The following NEGR1 variants were observed in gnomAD, a reference collection of about 807,000 sequenced individuals.
NEGR1 encodes IgLON family member 4.
In NEGR1, 10 loss-of-function variants were observed where a neutral mutation model predicts 40.9. The ratio of observed to expected loss-of-function variants is 0.24; its 90% confidence interval spans 0.15 to 0.42. The LOEUF (loss-of-function observed/expected upper bound fraction) is 0.42, where lower values mean the gene tolerates loss of function less well. Ranked by LOEUF, NEGR1 falls within the 10% of genes least tolerant of loss-of-function variation. NEGR1 has a pLI of 1.00. For synonymous variants in NEGR1, 185 were observed against 166.8 expected, an observed-to-expected ratio of 1.11 and a Z score of -0.84; for missense variants, 352 against 438.9, an observed-to-expected ratio of 0.80 and a Z score of 1.77.
At chr1:71,614,909 C>T (rs140283107) in intron 4 of NEGR1, among the ~76,000 whole-genome samples, 175 of 152,082 alleles carry the variant, frequency 1.2e-3, no homozygotes, top group Non-Finnish European at 2.0e-3. Flanking sequence ...TCTAGGGCTT[C>T]GTGGGCTGCT....
chr1:71,643,481 A>G (rs188255136), intron 4 of NEGR1, among the ~76,000 whole-genome samples: 1 of 152,166 alleles, frequency 6.6e-6, no homozygotes, highest in East Asian at 1.9e-4. Context: ...CTTTTCAGTT[A>G]TACTAGGTTA....
At chr1:71,999,234 G>A (rs1646533165) in intron 1 of NEGR1, among the ~76,000 whole-genome samples, 1 of 151,752 alleles carries the variant, frequency 6.6e-6, no homozygotes, top group African/African-American at 2.4e-5. Flanking sequence ...ATCATTACTT[G>A]GAAAAATATC....
Position 71,955,932 on chromosome 1 carries a change from G to A in NEGR1, c.177-20621C>T, listed in dbSNP as rs1228928858. Among the ~76,000 whole-genome samples, 3 of 152,062 alleles carry A rather than the reference G, an allele frequency of 2.0e-5. No individual in the cohort carries two copies. In the East Asian group the frequency reaches 5.8e-4, roughly 29 times the overall value. On this transcript the variant is annotated intron_variant, in intron 1 of 6. Coordinates refer to ENST00000357731, the MANE Select transcript of NEGR1 (RefSeq NM_173808.3). Reference sequence around the variant, plus strand: ...TTGTGGAGGCTTATGTTCACACATTGTCTATATAAAACATTTGCTTTGTTT... The same window carrying A: ...TTGTGGAGGCTTATGTTCACACATTATCTATATAAAACATTTGCTTTGTTT...
At chr1:72,143,196 A>T (rs1650752859) in intron 1 of NEGR1, among the ~76,000 whole-genome samples, 1 of 152,026 alleles carries the variant, frequency 6.6e-6, no homozygotes, top group African/African-American at 2.4e-5. Context: ...ATTCTAAATT[A>T]CTTAAAAAAT....
chr1:71,422,539 A>G (rs992953066), intron 6 of NEGR1: 4 of 152,224 alleles, frequency 2.6e-5, no homozygotes, highest in African/African-American at 9.6e-5. Context: ...CTCATAGTCG[A>G]AAGCTAAAGA....
Position 71,971,787 on chromosome 1 carries a change from A to C in NEGR1, c.177-36476T>G, listed in dbSNP as rs576361762. On this transcript the variant is annotated intron_variant, in intron 1 of 6. Transcript: ENST00000357731. ...ATCAAAATATGGTCACGTATTTTTA[A>C]AGAAAAATTCATAGTCTGCTCTTAA... 6.5e-4 allele frequency among the ~76,000 whole-genome samples: 99 copies of C among 152,332 alleles called. 3 individuals are homozygous for C. In the South Asian group the frequency reaches 0.02, roughly 31 times the overall value.
At chr1:71,702,864 A>G (rs1653747041) in intron 3 of NEGR1, among the ~76,000 whole-genome samples, 2 of 152,106 alleles carry the variant, frequency 1.3e-5, no homozygotes, top group African/African-American at 4.8e-5. Context: ...TTCAAGCATC[A>G]AGCTCACAGA....
Position 72,001,253 on chromosome 1 carries a change from C to G in NEGR1, c.177-65942G>C, listed in dbSNP as rs562925005. ...AGCAGAGAGCTTTCTCTCTTTCTTTCCCTTATTAAACTTCTGCTCTAACAT... is the reference window on the plus strand; with the variant it reads ...AGCAGAGAGCTTTCTCTCTTTCTTTGCCTTATTAAACTTCTGCTCTAACAT... On this transcript the variant is annotated intron_variant, in intron 1 of 6. Coordinates refer to ENST00000357731, the MANE Select transcript of NEGR1 (RefSeq NM_173808.3). 7.9e-5 allele frequency among the ~76,000 whole-genome samples: 12 copies of G among 152,064 alleles called. No homozygotes were observed. The South Asian group carries it at 2.5e-3, about 32-fold the overall frequency.
chr1:71,587,502 A>G (rs1198208476), intron 6 of NEGR1, among the ~76,000 whole-genome samples: 1 of 152,166 alleles, frequency 6.6e-6, no homozygotes, highest in Non-Finnish European at 1.5e-5. Context: ...GACTGCATAA[A>G]GCATTTAAAA....
At chr1:71,947,126 A>G (rs967403483) in intron 1 of NEGR1, among the ~76,000 whole-genome samples, 2 of 147,614 alleles carry the variant, frequency 1.4e-5, no homozygotes. Flanking sequence ...ACACACACAC[A>G]CACACGTATA....
intron 1 of NEGR1, among the ~76,000 whole-genome samples, chr1:71,958,341 T>TG (rs1249252325): frequency 5.3e-5 from 8 of 152,206 alleles, no homozygotes; most frequent in Non-Finnish European, 1.2e-4. Flanking sequence ...TGCATCAGTA[T>TG]GTTAACTTAA....
Position 72,171,352 on chromosome 1 carries a change from T to C in NEGR1, c.176+110967A>G, listed in dbSNP as rs76629969. Among the ~76,000 whole-genome samples the C allele has an allele frequency of 1.3e-3, 199 of 152,292 alleles. 1 individual carries two copies. The highest frequency in any genetic ancestry group is 4.5e-3 in the African/African-American group (187 of 41,570). On this transcript the variant is annotated intron_variant, in intron 1 of 6. Coordinates refer to ENST00000357731, the MANE Select transcript of NEGR1 (RefSeq NM_173808.3). The stretch of plus-strand genomic sequence containing the variant: ...TGGAACATCAAAAATCTACAGACGC[T>C]CATGGTGTAAGAGCACATAAAAGTA...
chr1:71,685,930 A>G (rs1645478679), intron 4 of NEGR1, among the ~76,000 whole-genome samples: 1 of 145,632 alleles, frequency 6.9e-6, no homozygotes. Flanking sequence ...TTCAAAAACT[A>G]TTGTCAGAAA....
At chr1:71,702,726 T>TAA (rs5775082) in intron 3 of NEGR1, among the ~76,000 whole-genome samples, 50,132 of 141,798 alleles carry the variant, frequency 0.35, 10,396 homozygotes, top group East Asian at 0.53. Context: ...AAAACTTATT[T>TAA]AAAAAAAAAA....
intron 3 of NEGR1, among the ~76,000 whole-genome samples, chr1:71,756,778 G>A (rs1655757256): frequency 6.6e-6 from 1 of 151,634 alleles, no homozygotes; most frequent in African/African-American, 2.4e-5. Context: ...CATCTTCAGA[G>A]CTTCAGCACT....
At chr1:71,552,597 A>G (rs1648123373) in intron 6 of NEGR1, among the ~76,000 whole-genome samples, 1 of 148,680 alleles carries the variant, frequency 6.7e-6, no homozygotes. Context: ...AATATATTCT[A>G]TTTCTAGAAG....
At chr1:71,909,953 A>C (rs143853119) in intron 2 of NEGR1, among the ~76,000 whole-genome samples, 2 of 152,358 alleles carry the variant, frequency 1.3e-5, no homozygotes, top group East Asian at 3.9e-4. Flanking sequence ...AATATGCTAC[A>C]GATTCAATCC....
rs1258623717 is a variant in NEGR1, at chr1:72,252,680, C to T, written c.176+29639G>A. ...CACGTTTACATGAGGGAGAGAGAGA[C>T]GGAGAGAGTAAGAGAGAGAGAAGAT... On this transcript the variant is annotated intron_variant, in intron 1 of 6. Transcript: ENST00000357731. Among the ~76,000 whole-genome samples the T allele has an allele frequency of 6.6e-5, 10 of 151,900 alleles. No homozygotes were observed. In the East Asian group the frequency reaches 9.7e-4, roughly 15 times the overall value.
At chr1:71,927,818 TAAAAA>T (rs35429988) in intron 2 of NEGR1, among the ~76,000 whole-genome samples, 3 of 22,448 alleles carry the variant, frequency 1.3e-4, no homozygotes, top group Non-Finnish European at 2.2e-4. Flanking sequence ...ACCCAATCTC[TAAAAA>T]AAAAAAAAAA....
Sources: gnomAD v4.1 joint callset for allele counts (sites outside exome capture counted in the v4.1 genomes callset) on GRCh38, gnomAD v4.1.1 for gene constraint, MANE v1.5 for transcripts, NCBI Gene and HGNC (gene_info 2026-07-23, HGNC 2026-07-21) for gene names.